KIF13A: variants seen among roughly 807,000 people sequenced by gnomAD.
The protein encoded by KIF13A is kinesin family member 13A.
A neutral mutation model predicts 212.2 loss-of-function variants in KIF13A; 79 were observed. The observed-to-expected ratio is 0.37, with a 90% CI of 0.31 to 0.45. KIF13A has a LOEUF of 0.45. Ranked by LOEUF, KIF13A falls within the 20% of genes least tolerant of loss-of-function variation. The pLI is 1.00. For synonymous variants in KIF13A, 789 were observed against 808.6 expected, an observed-to-expected ratio of 0.98 and a Z score of 0.41; for missense variants, 1,901 against 2,209.0, an observed-to-expected ratio of 0.86 and a Z score of 2.79.
At position 17,809,151 on chromosome 6, in the gene KIF13A, C is replaced by T. The variant is rs1471418254; in HGVS notation, c.2001-221G>A. ...ATTGTTGAGCAACTTAACTGAAAAC[C>T]ACGTTTTAAATTATGTAACACGTGA... On this transcript the variant is annotated intron_variant, in intron 17 of 38. Coordinates refer to ENST00000259711, the MANE Select transcript of KIF13A (RefSeq NM_022113.6). The surrounding 1 kb of genome is among the most constrained non-coding windows in gnomAD (Gnocchi z 4.7). Among the ~76,000 whole-genome samples, 2 of 152,114 alleles carry T rather than the reference C, an allele frequency of 1.3e-5. No individual in the cohort carries two copies. The highest frequency in any genetic ancestry group is 4.8e-5 in the African/African-American group (2 of 41,412).
intron 2 of KIF13A, among the ~76,000 whole-genome samples, chr6:17,973,433 A>C (rs1779999224): frequency 6.6e-6 from 1 of 152,202 alleles, no homozygotes; most frequent in African/African-American, 2.4e-5. Context: ...CCATTCTCGT[A>C]TCAGCTACTG....
intron 3 of KIF13A, among the ~76,000 whole-genome samples, chr6:17,879,617 C>G (rs753648249): frequency 2.6e-5 from 4 of 152,170 alleles, no homozygotes; most frequent in Non-Finnish European, 5.9e-5. Flanking sequence ...AATTTGTAGT[C>G]TGCACAGAAA....
intron 2 of KIF13A, among the ~76,000 whole-genome samples, chr6:17,966,394 C>T (rs1779308809): frequency 6.6e-6 from 1 of 151,000 alleles, no homozygotes. Context: ...ATGTCCTTTT[C>T]CTCTAAAGGG....
chr6:17,955,682 T>A (rs946000330), intron 2 of KIF13A, among the ~76,000 whole-genome samples: 5 of 152,214 alleles, frequency 3.3e-5, no homozygotes, highest in African/African-American at 9.6e-5. Context: ...GAAGACAAAG[T>A]CATGGTTTAC....
At chr6:17,844,973 C>T (rs1020055677) in intron 9 of KIF13A, among the ~76,000 whole-genome samples, 1 of 152,106 alleles carries the variant, frequency 6.6e-6, no homozygotes, top group African/African-American at 2.4e-5. Flanking sequence ...TGTATTAGTC[C>T]ATTTTCATGC....
At chr6:17,798,635 TAG>T (rs1477635749) in intron 22 of KIF13A, among the ~76,000 whole-genome samples, 1 of 152,152 alleles carries the variant, frequency 6.6e-6, no homozygotes, top group Non-Finnish European at 1.5e-5. Flanking sequence ...AACAAAACTA[TAG>T]AGAGGATGGA....
rs1781682564 is a variant in KIF13A at position 17,987,517 on chromosome 6, C to T, written c.-54G>A. On this transcript the variant is annotated 5_prime_UTR_variant, in exon 1 of 39. Transcript: ENST00000259711. This position sits in a 1 kb window ranked among gnomAD's most constrained non-coding sequence, Gnocchi z 7.7. ...GCGCCCGCTCGGCCTTAGGCGGCCC[C>T]TCACGCGCGGCGCCGCCGCCGCTGC... The T allele has an allele frequency of 9.8e-7, 1 of 1,016,870 alleles. No homozygotes were observed. The allele number at this position is 1,016,870 out of a possible 1,614,324, so 63.0% of individuals were successfully genotyped here.
At position 17,892,372 on chromosome 6, in the gene KIF13A, C is replaced by G. The variant is rs919123214; in HGVS notation, c.159+5796G>C. ...TTTCCTTTTTTTCTGATGTATTTTACTGAATACTACCACTAGCCTCCCTAC... is the reference window on the plus strand; with the variant it reads ...TTTCCTTTTTTTCTGATGTATTTTAGTGAATACTACCACTAGCCTCCCTAC... On this transcript the variant is annotated intron_variant, in intron 3 of 38. Transcript: ENST00000259711. This position sits in a 1 kb window ranked among gnomAD's most constrained non-coding sequence, Gnocchi z 4.7. Among the ~76,000 whole-genome samples the G allele has an allele frequency of 4.6e-5, 7 of 152,300 alleles. No individual in the cohort carries two copies. Among genetic ancestry groups the G allele is most frequent in the Non-Finnish European group, 7.4e-5 (5 of 68,022 alleles).
At chr6:17,908,543 G>A (rs1344410187) in intron 2 of KIF13A, among the ~76,000 whole-genome samples, 1 of 152,148 alleles carries the variant, frequency 6.6e-6, no homozygotes, top group African/African-American at 2.4e-5. Flanking sequence ...GATTGAGGCT[G>A]CAGTGAGCCA....
intron 2 of KIF13A, among the ~76,000 whole-genome samples, chr6:17,902,123 A>C (rs1367576110): frequency 6.6e-6 from 1 of 152,192 alleles, no homozygotes; most frequent in African/African-American, 2.4e-5. Flanking sequence ...TGTTCAGTAA[A>C]TATCTAGTGA....
rs1325112948 is a variant in KIF13A, at chr6:17,834,412, T to C, written c.1156-341A>G. 6.6e-6 allele frequency among the ~76,000 whole-genome samples: 1 copy of C among 152,248 alleles called. No homozygotes were observed. The highest frequency in any genetic ancestry group is 1.9e-4 in the East Asian group (1 of 5,200). On this transcript the variant is annotated intron_variant, in intron 11 of 38. Coordinates refer to ENST00000259711, the MANE Select transcript of KIF13A (RefSeq NM_022113.6). The surrounding 1 kb of genome is among the most constrained non-coding windows in gnomAD (Gnocchi z 4.0). Reference sequence around the variant, plus strand: ...AAAGGTTACTTAAGCAGACTTCTTTTTCAATAAGACGGAGGTTAACACTCA... The same window carrying C: ...AAAGGTTACTTAAGCAGACTTCTTTCTCAATAAGACGGAGGTTAACACTCA...
At chr6:17,820,018 T>A (rs533471253) in intron 16 of KIF13A, among the ~76,000 whole-genome samples, 5 of 152,176 alleles carry the variant, frequency 3.3e-5, no homozygotes, top group Admixed American at 6.6e-5. Context: ...TGCTACGAGA[T>A]ACTGAATAAG....
At position 17,912,561 on chromosome 6, in the gene KIF13A, A is replaced by G. The variant is rs1050866650; in HGVS notation, c.147-14381T>C. 6.6e-6 allele frequency among the ~76,000 whole-genome samples: 1 copy of G among 152,260 alleles called. No individual in the cohort carries two copies. The highest frequency in any genetic ancestry group is 1.5e-5 in the Non-Finnish European group (1 of 68,044). On this transcript the variant is annotated intron_variant, in intron 2 of 38. Coordinates refer to ENST00000259711, the MANE Select transcript of KIF13A (RefSeq NM_022113.6). This position sits in a 1 kb window ranked among gnomAD's most constrained non-coding sequence, Gnocchi z 4.2. ...GACAATGCTTATTAAATTCTACTGA[A>G]TAAACCAACAGAACCCCCATTTCCC...
At chr6:17,814,254 T>C (rs1428965470) in intron 17 of KIF13A, among the ~76,000 whole-genome samples, 2 of 142,760 alleles carry the variant, frequency 1.4e-5, no homozygotes, top group South Asian at 2.3e-4. Flanking sequence ...CCCGGCTTTT[T>C]TTTTTTTTTT....
At position 17,838,810 on chromosome 6, in the gene KIF13A, AT is replaced by A. The variant is rs1248858010; in HGVS notation, c.831-1228del. Among the ~76,000 whole-genome samples the A allele has an allele frequency of 6.6e-6, 1 of 151,770 alleles. No homozygotes were observed. Among genetic ancestry groups the A allele is most frequent in the African/African-American group, 2.4e-5 (1 of 41,322 alleles). ...TGGAAGGGGAGAGGATGACGAGCTT[AT>A]TTTTTTGTTTGTTTGTTTTTTGAGA... is the stretch of plus-strand genomic sequence containing the variant. On this transcript the variant is annotated intron_variant, in intron 9 of 38. Transcript: ENST00000259711. The surrounding 1 kb of genome is among the most constrained non-coding windows in gnomAD (Gnocchi z 4.2).
chr6:17,792,247 C>A (rs1761648304), intron 25 of KIF13A, among the ~76,000 whole-genome samples: 1 of 147,732 alleles, frequency 6.8e-6, no homozygotes, highest in African/African-American at 2.5e-5. Context: ...TGGAATGTTC[C>A]TCAAATGAGA....
rs779354601 is a variant in KIF13A at position 17,883,013 on chromosome 6, C to A, written c.160-9576G>T. Among the ~76,000 whole-genome samples the A allele has an allele frequency of 3.3e-5, 5 of 152,074 alleles. No homozygotes were observed. Among genetic ancestry groups the A allele is most frequent in the Non-Finnish European group, 5.9e-5 (4 of 68,028 alleles). On this transcript the variant is annotated intron_variant, in intron 3 of 38. Coordinates refer to ENST00000259711, the MANE Select transcript of KIF13A (RefSeq NM_022113.6). The surrounding 1 kb of genome is among the most constrained non-coding windows in gnomAD (Gnocchi z 4.8). ...CAATATTAATTCTTAGAGGATAAAG[C>A]CTTGGTTTCCCTAATCTTTTCATTA...
At chr6:17,774,881 G>A in intron 35 of KIF13A, 134 bp downstream of exon 35, 1 of 589,786 alleles carries the variant, frequency 1.7e-6, no homozygotes, top group Non-Finnish European at 2.9e-6. Context: ...GAAGCCCAGA[G>A]ATTTTTCTTT....
rs977376412 is a variant in KIF13A, at chr6:17,961,516, A to G, written c.146+25538T>C. Among the ~76,000 whole-genome samples, 2 of 152,194 alleles carry G rather than the reference A, an allele frequency of 1.3e-5. No homozygotes were observed. Among genetic ancestry groups the G allele is most frequent in the East Asian group, 1.9e-4 (1 of 5,198 alleles). On this transcript the variant is annotated intron_variant, in intron 2 of 38. Coordinates refer to ENST00000259711, the MANE Select transcript of KIF13A (RefSeq NM_022113.6). The surrounding 1 kb of genome is among the most constrained non-coding windows in gnomAD (Gnocchi z 4.1). ...ACTTTTAATATTTTACCAACTGACTACCATAAATTTGACATTAAACAAAAC... is the reference window on the plus strand; with the variant it reads ...ACTTTTAATATTTTACCAACTGACTGCCATAAATTTGACATTAAACAAAAC...
Sources: allele counts gnomAD v4.1 joint callset (sites outside exome capture counted in the v4.1 genomes callset), GRCh38; gene constraint gnomAD v4.1.1; non-coding constraint Gnocchi (gnomAD v3.1); transcripts MANE v1.5; gene names NCBI Gene and HGNC (gene_info 2026-07-23, HGNC 2026-07-21).